Variants in FIRRM observed in about 807,000 individuals in gnomAD.
FIRRM encodes the protein FIGNL1-interacting regulator of recombination and mitosis.
At chr1:169,851,629 T>C in the FIRRM span, 1 of 683,752 alleles carries the variant, frequency 1.5e-6, no homozygotes. Flanking sequence ...ACTAACTATT[T>C]TGTAAGGAAG....
the FIRRM span, chr1:169,800,784 A>G: frequency 1.9e-6 from 1 of 515,560 alleles, no homozygotes; most frequent in Non-Finnish European, 3.4e-6. Flanking sequence ...AAAGTGTATC[A>G]AGCTTTAGAT....
the FIRRM span, chr1:169,792,504 G>A: frequency 1.5e-6 from 2 of 1,309,384 alleles, no homozygotes; most frequent in Non-Finnish European, 2.0e-6. Context: ...AAAAATAATA[G>A]CAAAACAGAA....
the FIRRM span, chr1:169,851,196 A>T: frequency 6.6e-6 from 1 of 152,608 alleles, no homozygotes; most frequent in East Asian, 1.9e-4. Flanking sequence ...AATAATAGTT[A>T]ATTGAAATAC....
the FIRRM span, chr1:169,853,003 A>G: frequency 1.2e-6 from 2 of 1,612,608 alleles, no homozygotes; most frequent in East Asian, 2.2e-5. Context: ...ATCACTAGGC[A>G]GAACTGGGTT....
chr1:169,853,915 T>C, the FIRRM span: 3 of 889,104 alleles, frequency 3.4e-6, no homozygotes, highest in East Asian at 7.6e-5. Context: ...AACTTAGAGC[T>C]CTAACAGAAA....
the FIRRM span, among the ~76,000 whole-genome samples, chr1:169,848,124 A>C: frequency 6.6e-6 from 1 of 152,144 alleles, no homozygotes; most frequent in Non-Finnish European, 1.5e-5. Flanking sequence ...GTAATTAGGA[A>C]ATTTGGTAAT....
chr1:169,848,398 AT>A, the FIRRM span, among the ~76,000 whole-genome samples: 144 of 152,320 alleles, frequency 9.5e-4, no homozygotes, highest in African/African-American at 3.2e-3. Context: ...TATAGTCAAA[AT>A]TTAGTAATTC....
chr1:169,829,163 T>C, the FIRRM span: 1 of 1,091,130 alleles, frequency 9.2e-7, no homozygotes, highest in Non-Finnish European at 1.2e-6. Context: ...TCTTGAAACA[T>C]TTTCTGCTTA....
At chr1:169,834,623 A>G in the FIRRM span, among the ~76,000 whole-genome samples, 1 of 152,176 alleles carries the variant, frequency 6.6e-6, no homozygotes, top group Admixed American at 6.5e-5. Flanking sequence ...CATTTGACAG[A>G]TGAAGAAACA....
chr1:169,795,814 ACTC>A, the FIRRM span: 1 of 981,662 alleles, frequency 1.0e-6, no homozygotes, highest in Non-Finnish European at 1.2e-6. Context: ...ACAAGTTCTC[ACTC>A]CTCTCACCCA....
chr1:169,830,414 G>T, the FIRRM span: 3 of 1,311,754 alleles, frequency 2.3e-6, no homozygotes, highest in Non-Finnish European at 3.2e-6. Flanking sequence ...TTTTATAATT[G>T]TAAGCTTATA....
the FIRRM span, among the ~76,000 whole-genome samples, chr1:169,799,276 A>G: frequency 6.6e-6 from 1 of 152,368 alleles, no homozygotes; most frequent in Non-Finnish European, 1.5e-5. Context: ...CTGAATAGCT[A>G]TCAGCCTCTA....
the FIRRM span, among the ~76,000 whole-genome samples, chr1:169,844,887 A>C: frequency 2.0e-5 from 3 of 152,302 alleles, no homozygotes; most frequent in Admixed American, 2.0e-4. Flanking sequence ...GGGGGTTTGC[A>C]GATTATGGCC....
chr1:169,787,175 G>A, the FIRRM span, among the ~76,000 whole-genome samples: 1 of 152,206 alleles, frequency 6.6e-6, no homozygotes, highest in East Asian at 1.9e-4. Flanking sequence ...CCTGCAGGGT[G>A]CAGTGTGCAG....
At chr1:169,831,890 G>A in the FIRRM span, among the ~76,000 whole-genome samples, 1 of 152,136 alleles carries the variant, frequency 6.6e-6, no homozygotes, top group South Asian at 2.1e-4. Flanking sequence ...CTGAGTAGCT[G>A]GGACTACAGG....
chr1:169,851,702 T>A, the FIRRM span: 7 of 1,258,676 alleles, frequency 5.6e-6, no homozygotes, highest in Admixed American at 1.6e-4. Flanking sequence ...TCCATGTGAC[T>A]TCCAGAATTT....
chr1:169,789,732 G>T, the FIRRM span, among the ~76,000 whole-genome samples: 1 of 152,176 alleles, frequency 6.6e-6, no homozygotes, highest in African/African-American at 2.4e-5. Flanking sequence ...TGGGCAGAGC[G>T]AGGTTTAGAA....
the FIRRM span, chr1:169,807,711 A>G: frequency 8.0e-7 from 1 of 1,253,978 alleles, no homozygotes; most frequent in Non-Finnish European, 1.1e-6. Context: ...AATGTTCTAC[A>G]AGGTAGATAT....
At chr1:169,826,624 A>G in the FIRRM span, among the ~76,000 whole-genome samples, 1 of 152,174 alleles carries the variant, frequency 6.6e-6, no homozygotes, top group Non-Finnish European at 1.5e-5. Context: ...CAACCTCCCA[A>G]AGTGCTGGGA....
Sources: gnomAD v4.1 joint callset for allele counts (sites outside exome capture counted in the v4.1 genomes callset) on GRCh38, gnomAD v4.1.1 for gene constraint, MANE v1.5 for transcripts, NCBI Gene and HGNC (gene_info 2026-07-23, HGNC 2026-07-21) for gene names.